Variants in FARP2 observed in about 807,000 individuals in gnomAD.
FARP2 encodes FERM, ARHGEF and pleckstrin domain-containing protein 2.
Under a neutral mutation model 130.5 loss-of-function variants are expected in FARP2, and 111 were observed. The observed-to-expected ratio is 0.85, with a 90% CI of 0.73 to 1.00. The LOEUF (loss-of-function observed/expected upper bound fraction) is 1.00, where lower values mean the gene tolerates loss of function less well. FARP2 is among the 50% of genes least tolerant of loss of function. The probability of loss-of-function intolerance (pLI) is 0.00; values close to 1 mark genes in which losing one functional copy is unlikely to be tolerated. For synonymous variants in FARP2, 504 were observed against 516.9 expected, an observed-to-expected ratio of 0.98 and a Z score of 0.34; for missense variants, 1,385 against 1,346.3, an observed-to-expected ratio of 1.03 and a Z score of -0.45.
chr2:241,372,225 G>A (rs954828092), intron 1 of FARP2, among the ~76,000 whole-genome samples: 1 of 151,994 alleles, frequency 6.6e-6, no homozygotes, highest in Non-Finnish European at 1.5e-5. Context: ...CTGTTAAGTG[G>A]GCTGTGGATA....
chr2:241,431,144 A>C (rs2063080374), intron 8 of FARP2, among the ~76,000 whole-genome samples: 1 of 152,148 alleles, frequency 6.6e-6, no homozygotes, highest in Admixed American at 6.5e-5. Context: ...CCTCTTTCTC[A>C]TGCACTGTGT....
chr2:241,490,083 A>T (rs2064855975), intron 22 of FARP2, 39 bp downstream of exon 22: 1 of 1,461,760 alleles, frequency 6.8e-7, no homozygotes, highest in African/African-American at 1.4e-5. Flanking sequence ...GCAGCCCTGG[A>T]TGGAGGGGTG....
chr2:241,409,137 A>G (rs923389828), intron 5 of FARP2, among the ~76,000 whole-genome samples: 7 of 152,186 alleles, frequency 4.6e-5, no homozygotes, highest in Non-Finnish European at 1.0e-4. Flanking sequence ...CTCAAGTTCT[A>G]GGACTCATGC....
intron 13 of FARP2, 31 bp downstream of exon 13, chr2:241,441,587 G>A: frequency 6.2e-7 from 1 of 1,613,788 alleles, no homozygotes; most frequent in Non-Finnish European, 8.5e-7. Flanking sequence ...GTGAGCAGCT[G>A]TGGTTCTGTC....
intron 21 of FARP2, 111 bp from the exon 22 acceptor site, chr2:241,489,851 G>A: frequency 2.9e-6 from 2 of 700,696 alleles, no homozygotes; most frequent in Non-Finnish European, 5.2e-6. Context: ...GGACAGCACT[G>A]GGCTTCCAAG....
rs549890897 is a variant in FARP2, at chr2:241,457,390, G to A, written c.1587+468G>A. ...GCTAAGGGAGGGTGCACTAGGGACT[G>A]CTTTGGGTTCCGGAGAGGCTCTTGG... On this transcript the variant is annotated intron_variant, in intron 14 of 26. Transcript: ENST00000264042. 6.3e-5 allele frequency among the ~76,000 whole-genome samples: 9 copies of A among 143,730 alleles called. No homozygotes were observed. The South Asian group carries it at 1.1e-3, about 18-fold the overall frequency. The allele number at this position is 143,730 out of a possible 152,430, so 94.3% of individuals were successfully genotyped here. A position where few individuals can be genotyped will look rare whatever the true frequency, so the allele number is the denominator to read the frequency against.
At chr2:241,454,952 A>T (rs925834303) in intron 13 of FARP2, among the ~76,000 whole-genome samples, 2 of 152,168 alleles carry the variant, frequency 1.3e-5, no homozygotes, top group Non-Finnish European at 2.9e-5. Flanking sequence ...TGATTTGTCA[A>T]TGTGAAAATA....
chr2:241,465,306 CAG>C (rs1034998348), intron 17 of FARP2, among the ~76,000 whole-genome samples: 4 of 152,192 alleles, frequency 2.6e-5, no homozygotes, highest in African/African-American at 2.4e-5. Flanking sequence ...CCCCACAGAA[CAG>C]AGTCTTCCTC....
chr2:241,442,264 T>A (rs1193651059), intron 13 of FARP2: 1 of 456,730 alleles, frequency 2.2e-6, no homozygotes, highest in Middle Eastern at 3.3e-4. Context: ...CTTCCCAGCC[T>A]ACTCAGTCCG....
rs1271744784 is a variant in FARP2 at position 241,466,538 on chromosome 2, G to A, written c.1894-1602G>A. The A allele has an allele frequency of 5.7e-5, 56 of 985,340 alleles. No homozygotes were observed. The East Asian group carries it at 3.5e-3, about 62-fold the overall frequency. 61.0% of individuals were successfully genotyped at this position (985,340 alleles called of 1,614,324 possible). ...GGGACCCCAGCCCATCATGGGCATCGGCAGGGCTTGGCCACTTCCACCTCC... is the reference window on the plus strand; with the variant it reads ...GGGACCCCAGCCCATCATGGGCATCAGCAGGGCTTGGCCACTTCCACCTCC... On this transcript the variant is annotated intron_variant, in intron 17 of 26. Transcript: ENST00000264042.
Position 241,387,570 on chromosome 2 carries a change from G to C in FARP2, c.183+14280G>C, listed in dbSNP as rs187973744. ...GCACTTTGGGAGGCTGAGGTGGGCT[G>C]ATCACGAGGTCAGGAGATCGAGACC... On this transcript the variant is annotated intron_variant, in intron 2 of 26. Transcript: ENST00000264042. Among the ~76,000 whole-genome samples the C allele has an allele frequency of 5.7e-3, 872 of 152,220 alleles. 15 individuals are homozygous for C. The highest frequency in any genetic ancestry group is 0.02 in the African/African-American group (812 of 41,528).
intron 15 of FARP2, 98 bp from the exon 16 acceptor site, chr2:241,463,237 T>C: frequency 7.5e-7 from 1 of 1,331,270 alleles, no homozygotes; most frequent in Non-Finnish European, 1.0e-6. Flanking sequence ...GACTGGAGGG[T>C]CATCACTGGG....
At chr2:241,407,079 A>G (rs2062379733) in intron 4 of FARP2, among the ~76,000 whole-genome samples, 2 of 152,320 alleles carry the variant, frequency 1.3e-5, no homozygotes, top group African/African-American at 4.8e-5. Context: ...AAGTGCTGGG[A>G]TTACAGGCGT....
intron 21 of FARP2, among the ~76,000 whole-genome samples, chr2:241,487,051 G>A (rs914571796): frequency 6.6e-6 from 1 of 152,240 alleles, no homozygotes; most frequent in African/African-American, 2.4e-5. Context: ...ATCACTCAGC[G>A]TGCTGGTCAC....
chr2:241,415,951 C>T (rs1048248391), intron 7 of FARP2, among the ~76,000 whole-genome samples: 4 of 149,892 alleles, frequency 2.7e-5, no homozygotes, highest in Middle Eastern at 3.4e-3. Context: ...GAGAAGCCTG[C>T]CTGTGGAAGA....
At chr2:241,361,903 TA>T (rs1296142359) in intron 1 of FARP2, among the ~76,000 whole-genome samples, 35 of 151,882 alleles carry the variant, frequency 2.3e-4, no homozygotes, top group African/African-American at 8.2e-4. Flanking sequence ...TTTATTTATT[TA>T]TTTTTTTTTA....
chr2:241,461,330 C>G (rs886808), intron 14 of FARP2, among the ~76,000 whole-genome samples: 121,561 of 151,964 alleles, frequency 0.8, 48,789 homozygotes, highest in East Asian at 0.95. Context: ...GGTCCACCGG[C>G]AGCCTCTCTG....
rs1321264864 is a variant in FARP2, at chr2:241,494,731, G to C, written c.*606G>C. 1 of 152,248 alleles carries C rather than the reference G, an allele frequency of 6.6e-6. No individual in the cohort carries two copies. Among genetic ancestry groups the C allele is most frequent in the East Asian group, 1.9e-4 (1 of 5,198 alleles). The allele number at this position is 152,248 out of a possible 1,614,324, so 9.4% of individuals were successfully genotyped here. The stretch of plus-strand genomic sequence containing the variant: ...CCAAAGTCCCCCTGTGCCCTGGGAG[G>C]GTGGGGCCGTCTAATTTATTACTGC... On this transcript the variant is annotated 3_prime_UTR_variant, in exon 27 of 27. Transcript: ENST00000264042. The surrounding 1 kb of genome is among the most constrained non-coding windows in gnomAD (Gnocchi z 4.9).
intron 2 of FARP2, among the ~76,000 whole-genome samples, chr2:241,388,583 G>T (rs1174877156): frequency 1.3e-5 from 2 of 152,150 alleles, no homozygotes; most frequent in African/African-American, 4.8e-5. Flanking sequence ...ATTTGCAAAA[G>T]ATATATCTGA....
Sources: gnomAD v4.1 joint callset for allele counts (sites outside exome capture counted in the v4.1 genomes callset) on GRCh38, gnomAD v4.1.1 for gene constraint, Gnocchi (gnomAD v3.1) non-coding constraint, MANE v1.5 for transcripts, NCBI Gene and HGNC (gene_info 2026-07-23, HGNC 2026-07-21) for gene names.